Variants in EBF1 observed in about 807,000 individuals in gnomAD.
EBF1 encodes the protein transcription factor COE1.
A neutral mutation model predicts 68.4 loss-of-function variants in EBF1; 10 were observed. The observed-to-expected ratio is 0.15, with a 90% CI of 0.09 to 0.25. The LOEUF (loss-of-function observed/expected upper bound fraction) is 0.25. EBF1 is among the 10% of genes least tolerant of loss of function. The pLI is 1.00. For missense variants in EBF1, 509 were observed against 794.4 expected (o/e 0.64, Z 4.32); for synonymous variants, 298 against 299.8 (o/e 0.99, Z 0.06).
At chr5:159,052,456 C>G (rs536543875) in intron 6 of EBF1, among the ~76,000 whole-genome samples, 1 of 152,254 alleles carries the variant, frequency 6.6e-6, no homozygotes, top group East Asian at 1.9e-4. Flanking sequence ...CCGAAGTCTG[C>G]TCTGTGGTTA....
intron 10 of EBF1, among the ~76,000 whole-genome samples, chr5:158,736,465 G>A (rs1239012370): frequency 6.6e-6 from 1 of 152,112 alleles, no homozygotes; most frequent in East Asian, 1.9e-4. Context: ...ATGGTTGTGT[G>A]ACATGATGTC....
intron 6 of EBF1, among the ~76,000 whole-genome samples, chr5:158,928,627 C>T (rs1418314537): frequency 6.6e-6 from 1 of 152,208 alleles, no homozygotes; most frequent in Non-Finnish European, 1.5e-5. Context: ...GTCCATTCTT[C>T]AGTGTGATTT....
chr5:159,015,629 T>A (rs1765480626), intron 6 of EBF1, among the ~76,000 whole-genome samples: 1 of 152,130 alleles, frequency 6.6e-6, no homozygotes. Flanking sequence ...GCTCCTTAAC[T>A]TCAGGAACAC....
At chr5:158,840,188 G>T in intron 6 of EBF1, 78 bp from the exon 7 acceptor site, 1 of 1,045,912 alleles carries the variant, frequency 9.6e-7, no homozygotes, top group Non-Finnish European at 1.5e-6. Context: ...TCACCCCTGG[G>T]TTGTGCATTC....
At chr5:158,724,776 T>C (rs937441889) in intron 11 of EBF1, among the ~76,000 whole-genome samples, 1 of 152,214 alleles carries the variant, frequency 6.6e-6, no homozygotes, top group Admixed American at 6.5e-5. Flanking sequence ...ACTAAATGGC[T>C]GATTTACTAA....
chr5:159,063,608 A>C (rs766786497), intron 6 of EBF1, among the ~76,000 whole-genome samples: 2 of 152,130 alleles, frequency 1.3e-5, no homozygotes, highest in Non-Finnish European at 2.9e-5. Flanking sequence ...TATACCCCCA[A>C]CCCTGAAAAC....
chr5:158,973,897 C>A (rs77280252), intron 6 of EBF1, among the ~76,000 whole-genome samples: 86 of 152,304 alleles, frequency 5.6e-4, no homozygotes, highest in African/African-American at 1.9e-3. Flanking sequence ...CTCTCCCCAC[C>A]TGGGCCAGCT....
chr5:159,009,956 G>A (rs1212973708), intron 6 of EBF1, among the ~76,000 whole-genome samples: 2 of 152,070 alleles, frequency 1.3e-5, no homozygotes, highest in Non-Finnish European at 2.9e-5. Context: ...AATTATGTAT[G>A]ACTTACTCAA....
intron 10 of EBF1, among the ~76,000 whole-genome samples, chr5:158,752,726 G>A (rs889112561): frequency 6.8e-6 from 1 of 146,824 alleles, no homozygotes; most frequent in Non-Finnish European, 1.5e-5. Context: ...GCATTTTGTG[G>A]AGATCTTGGC....
chr5:159,054,054 G>T (rs554686216), intron 6 of EBF1, among the ~76,000 whole-genome samples: 1 of 152,308 alleles, frequency 6.6e-6, no homozygotes, highest in East Asian at 1.9e-4. Context: ...TAGAACCAAG[G>T]TCATTATTGC....
At chr5:159,054,879 C>T (rs995894647) in intron 6 of EBF1, among the ~76,000 whole-genome samples, 2 of 152,190 alleles carry the variant, frequency 1.3e-5, no homozygotes, top group Non-Finnish European at 2.9e-5. Flanking sequence ...TGTTGGTCCA[C>T]GTGCCTCACA....
At chr5:158,796,939 T>C (rs1248515189) in intron 8 of EBF1, among the ~76,000 whole-genome samples, 1 of 152,186 alleles carries the variant, frequency 6.6e-6, no homozygotes, top group Non-Finnish European at 1.5e-5. Flanking sequence ...GAGCGGGAAA[T>C]GATTCTTGCT....
chr5:158,805,876 C>T (rs1175876236), intron 8 of EBF1, among the ~76,000 whole-genome samples: 2 of 151,642 alleles, frequency 1.3e-5, no homozygotes, highest in African/African-American at 4.8e-5. Flanking sequence ...ACAAGAGGAT[C>T]GGTAATAGTC....
chr5:159,085,963 C>T (rs770282711), intron 4 of EBF1, among the ~76,000 whole-genome samples: 5 of 152,014 alleles, frequency 3.3e-5, no homozygotes, highest in East Asian at 1.9e-4. Context: ...ACAAAATGAA[C>T]ATTGCAGTAA....
chr5:158,712,121 G>A (rs371292564), intron 14 of EBF1, 33 bp downstream of exon 14: 59 of 1,610,188 alleles, frequency 3.7e-5, no homozygotes, highest in South Asian at 2.3e-4. Flanking sequence ...CTAGCGAAAC[G>A]TGCAGGAACG....
At chr5:158,808,768 T>C (rs986466213) in intron 8 of EBF1, among the ~76,000 whole-genome samples, 7 of 151,864 alleles carry the variant, frequency 4.6e-5, no homozygotes, top group South Asian at 2.1e-4. Context: ...AGAAGGAAAA[T>C]AGGGAAGAAG....
At chr5:158,920,276 G>C (rs1338038973) in intron 6 of EBF1, among the ~76,000 whole-genome samples, 1 of 152,160 alleles carries the variant, frequency 6.6e-6, no homozygotes, top group African/African-American at 2.4e-5. Context: ...GACATGCTCA[G>C]GTTTACACAG....
At chr5:158,864,694 G>C (rs1259517114) in intron 6 of EBF1, among the ~76,000 whole-genome samples, 2 of 152,150 alleles carry the variant, frequency 1.3e-5, no homozygotes, top group East Asian at 3.8e-4. Context: ...GGAAAGTGAT[G>C]GTTCCTAGAA....
At chr5:158,706,191 CTT>C (rs201025630) in intron 15 of EBF1, among the ~76,000 whole-genome samples, 4 of 137,878 alleles carry the variant, frequency 2.9e-5, no homozygotes, top group African/African-American at 8.0e-5. Context: ...CACAGGCACG[CTT>C]TTTTTTTTTT....
Sources: gnomAD v4.1 joint callset for allele counts (sites outside exome capture counted in the v4.1 genomes callset) on GRCh38, gnomAD v4.1.1 for gene constraint, MANE v1.5 for transcripts, NCBI Gene and HGNC (gene_info 2026-07-23, HGNC 2026-07-21) for gene names.